Variants in IL1RAPL2 observed in about 807,000 individuals in gnomAD.
The protein encoded by IL1RAPL2 is interleukin 1 receptor accessory protein like 2, also known as X-linked interleukin-1 receptor accessory protein-like 2.
Under a neutral mutation model 44.1 loss-of-function variants are expected in IL1RAPL2, and 3 were observed. The ratio of observed to expected loss-of-function variants is 0.07; its 90% CI spans 0.03 to 0.18. The LOEUF (loss-of-function observed/expected upper bound fraction) is 0.18, where lower values mean the gene tolerates loss of function less well. Among genes scored for constraint, IL1RAPL2 ranks in the 10% least tolerant of loss-of-function variants. The probability of loss-of-function intolerance (pLI) is 1.00; values close to 1 mark genes in which losing one functional copy is unlikely to be tolerated. For missense variants in IL1RAPL2, 391 were observed against 496.4 expected (o/e 0.79, Z 2.02); for synonymous variants, 181 against 178.8 (o/e 1.01, Z -0.10).
chrX:104,946,379 CAAAAAAAAAAAAA>C (rs1157603029), intron 2 of IL1RAPL2, among the ~76,000 whole-genome samples: 6 of 9,140 alleles, frequency 6.6e-4, no homozygotes, highest in East Asian at 6.4e-3. Context: ...GACTCCGTCT[CAAAAAAAAAAAAA>C]AAAAAAAAAA....
chrX:104,836,654 G>T (rs1231168208), intron 2 of IL1RAPL2, among the ~76,000 whole-genome samples: 4 of 110,912 alleles, frequency 3.6e-5, no homozygotes, highest in African/African-American at 1.3e-4. Flanking sequence ...GAATATTATT[G>T]ATTCTATTAT....
At chrX:105,152,799 A>G (rs1485864710) in intron 2 of IL1RAPL2, among the ~76,000 whole-genome samples, 3 of 112,104 alleles carry the variant, frequency 2.7e-5, no homozygotes, top group Non-Finnish European at 5.6e-5. Flanking sequence ...TGCTTCTTAT[A>G]AAAGGATGAG....
At chrX:104,832,507 G>T (rs953928511) in intron 2 of IL1RAPL2, among the ~76,000 whole-genome samples, 1 of 111,105 alleles carries the variant, frequency 9.0e-6, no homozygotes, top group Non-Finnish European at 1.9e-5. Flanking sequence ...TCCTGAGGAG[G>T]TGGCATAATT....
chrX:105,551,879 G>T (rs2036859063), intron 6 of IL1RAPL2, among the ~76,000 whole-genome samples: 1 of 111,424 alleles, frequency 9.0e-6, no homozygotes, highest in African/African-American at 3.3e-5. Context: ...GCCGAGGCGG[G>T]CGGATCACAA....
At chrX:104,987,680 T>C (rs2147730356) in intron 2 of IL1RAPL2, among the ~76,000 whole-genome samples, 1 of 110,888 alleles carries the variant, frequency 9.0e-6, no homozygotes, top group Non-Finnish European at 1.9e-5. Context: ...CCAAGAAGGC[T>C]GCCCTCCTGC....
chrX:105,363,068 A>G (rs2035259312), intron 5 of IL1RAPL2, among the ~76,000 whole-genome samples: 1 of 106,417 alleles, frequency 9.4e-6, no homozygotes, highest in Non-Finnish European at 1.9e-5. Context: ...CTCTGTTTCT[A>G]TGAGATTAGC....
intron 6 of IL1RAPL2, among the ~76,000 whole-genome samples, chrX:105,503,069 CAG>C (rs936678580): frequency 1.4e-4 from 15 of 110,564 alleles, no homozygotes; most frequent in Admixed American, 1.3e-3. Context: ...ATTTTGCAAA[CAG>C]AATGAGCAAT....
chrX:104,823,953 C>T (rs994166526), intron 2 of IL1RAPL2, among the ~76,000 whole-genome samples: 2 of 111,850 alleles, frequency 1.8e-5, no homozygotes, highest in African/African-American at 6.5e-5. Flanking sequence ...AGAGGTCATC[C>T]TTTCCTTGTG....
chrX:105,766,468 T>C (rs1242041145), intron 10 of IL1RAPL2, among the ~76,000 whole-genome samples: 1 of 111,876 alleles, frequency 8.9e-6, no homozygotes, highest in African/African-American at 3.2e-5. Flanking sequence ...CCTCCTTGTT[T>C]AGTAGTTGAA....
At chrX:105,094,103 A>G (rs1052503250) in intron 2 of IL1RAPL2, among the ~76,000 whole-genome samples, 4 of 111,486 alleles carry the variant, frequency 3.6e-5, no homozygotes, top group Non-Finnish European at 7.5e-5. Context: ...TACTTGGTAC[A>G]ATGGAAATAT....
At chrX:105,355,893 TA>T (rs942516719) in intron 5 of IL1RAPL2, among the ~76,000 whole-genome samples, 2 of 110,927 alleles carry the variant, frequency 1.8e-5, no homozygotes, top group African/African-American at 6.6e-5. Flanking sequence ...ATATTTGTAA[TA>T]AACATAGAAT....
intron 2 of IL1RAPL2, among the ~76,000 whole-genome samples, chrX:105,099,146 TAAAC>T (rs1164857894): frequency 8.9e-5 from 10 of 112,351 alleles, no homozygotes; most frequent in Admixed American, 1.9e-4. Flanking sequence ...AGAGCAACAT[TAAAC>T]AAAGAGTCCC....
rs745574715 is a variant in IL1RAPL2 at position 104,787,495 on chromosome X, A to G, written c.82+128500A>G. Among the ~76,000 whole-genome samples, 4 of 111,741 alleles carry G rather than the reference A, an allele frequency of 3.6e-5. No homozygotes were observed. The Admixed American group carries it at 3.8e-4, about 11-fold the overall frequency. ...AAATGATGAGTCAGTGAGTCTACAG[A>G]TGTCAAGAATGAAGAACAGATGATG... is the stretch of plus-strand genomic sequence containing the variant. On this transcript the variant is annotated intron_variant, in intron 2 of 10. Coordinates refer to ENST00000372582, the MANE Select transcript of IL1RAPL2 (RefSeq NM_017416.2).
chrX:105,005,159 G>A (rs535779448), intron 2 of IL1RAPL2, among the ~76,000 whole-genome samples: 1 of 111,158 alleles, frequency 9.0e-6, no homozygotes, highest in Middle Eastern at 4.6e-3. Flanking sequence ...TGACTTTTGT[G>A]AAACCTATTC....
intron 6 of IL1RAPL2, among the ~76,000 whole-genome samples, chrX:105,567,964 T>G (rs186113949): frequency 4.5e-5 from 5 of 111,105 alleles, no homozygotes; most frequent in African/African-American, 1.6e-4. Context: ...TTTTAGTGCT[T>G]TCACTCATTT....
At chrX:104,781,819 G>C (rs1303709326) in intron 2 of IL1RAPL2, among the ~76,000 whole-genome samples, 1 of 111,817 alleles carries the variant, frequency 8.9e-6, no homozygotes, top group Non-Finnish European at 1.9e-5. Context: ...AGAATGCTGT[G>C]GTCCAAATGT....
At chrX:104,620,163 G>A (rs1929358053) in intron 1 of IL1RAPL2, among the ~76,000 whole-genome samples, 2 of 110,745 alleles carry the variant, frequency 1.8e-5, no homozygotes, top group Non-Finnish European at 3.8e-5. Flanking sequence ...AACTATAAAA[G>A]GTTTTAAGAA....
chrX:104,804,290 G>A (rs981543421), intron 2 of IL1RAPL2: 2 of 111,405 alleles, frequency 1.8e-5, no homozygotes, highest in African/African-American at 6.5e-5. Flanking sequence ...GATCCAGATT[G>A]TGAAGGTAGA....
At chrX:105,091,816 CAAG>C (rs1454343143) in intron 2 of IL1RAPL2, among the ~76,000 whole-genome samples, 1 of 111,859 alleles carries the variant, frequency 8.9e-6, no homozygotes, top group African/African-American at 3.2e-5. Flanking sequence ...CAATGCCTCA[CAAG>C]AAGTAGGCAC....
Sources: gnomAD v4.1 joint callset for allele counts (sites outside exome capture counted in the v4.1 genomes callset) on GRCh38, gnomAD v4.1.1 for gene constraint, MANE v1.5 for transcripts, NCBI Gene and HGNC (gene_info 2026-07-23, HGNC 2026-07-21) for gene names.